R3HDM2: variants seen among roughly 807,000 people sequenced by gnomAD.
The protein encoded by R3HDM2 is R3H domain containing 2.
In R3HDM2, 38 loss-of-function variants were observed where a neutral mutation model predicts 124.5. That is an observed-to-expected ratio of 0.31 (90% CI 0.24 to 0.40). The LOEUF (loss-of-function observed/expected upper bound fraction) is 0.40. R3HDM2 is among the 10% of genes least tolerant of loss of function. R3HDM2 has a pLI of 1.00. For synonymous variants in R3HDM2, 391 were observed against 448.0 expected, an observed-to-expected ratio of 0.87 and a Z score of 1.61; for missense variants, 869 against 1,236.9, an observed-to-expected ratio of 0.70 and a Z score of 4.46.
chr12:57,347,066 G>A (rs569698576), intron 2 of R3HDM2, among the ~76,000 whole-genome samples: 4 of 152,106 alleles, frequency 2.6e-5, no homozygotes, highest in East Asian at 3.9e-4. Context: ...TCAACATAGC[G>A]AGACCCTATC....
chr12:57,427,355 C>CTT (rs147527242), intron 1 of R3HDM2, among the ~76,000 whole-genome samples: 7 of 140,116 alleles, frequency 5.0e-5, no homozygotes, highest in Admixed American at 7.3e-5. Context: ...TCTCCTGAAG[C>CTT]TTTTTTTTTT....
intron 2 of R3HDM2, among the ~76,000 whole-genome samples, chr12:57,335,681 T>G (rs2058769163): frequency 6.6e-6 from 1 of 150,770 alleles, no homozygotes; most frequent in Non-Finnish European, 1.5e-5. Context: ...TTTTTTTTTT[T>G]TGGTAGGGAC....
intron 2 of R3HDM2, among the ~76,000 whole-genome samples, chr12:57,333,906 G>C (rs1425490756): frequency 6.6e-6 from 1 of 151,998 alleles, no homozygotes; most frequent in African/African-American, 2.4e-5. Context: ...GCCGGGCGTG[G>C]TGGCACGTGC....
At chr12:57,322,355 G>A (rs1013607912) in intron 2 of R3HDM2, among the ~76,000 whole-genome samples, 6 of 152,162 alleles carry the variant, frequency 3.9e-5, no homozygotes, top group Admixed American at 6.5e-5. Context: ...ATCCACAGGG[G>A]TTAAGTGGTA....
intron 2 of R3HDM2, among the ~76,000 whole-genome samples, chr12:57,362,282 GAAGAC>G (rs952426393): frequency 6.6e-6 from 1 of 152,148 alleles, no homozygotes; most frequent in Non-Finnish European, 1.5e-5. Flanking sequence ...TACTTAATGT[GAAGAC>G]AAGAATGAAG....
chr12:57,356,577 A>G (rs1460088386), intron 2 of R3HDM2, among the ~76,000 whole-genome samples: 2 of 152,238 alleles, frequency 1.3e-5, no homozygotes, highest in African/African-American at 2.4e-5. Flanking sequence ...TTTTGGAATC[A>G]GAGTAAGGTT....
At chr12:57,340,617 G>A (rs2059443077) in intron 2 of R3HDM2, among the ~76,000 whole-genome samples, 1 of 152,118 alleles carries the variant, frequency 6.6e-6, no homozygotes, top group Non-Finnish European at 1.5e-5. Flanking sequence ...AATGTAAGCT[G>A]AGAAGCAGAC....
rs1743913304 is a variant in R3HDM2, at chr12:57,289,014, G to A, written c.933C>T (p.Asp311=). 6.5e-7 allele frequency: 1 copy of A among 1,550,076 alleles called. No individual in the cohort carries two copies. Among genetic ancestry groups the A allele is most frequent in the African/African-American group, 1.4e-5 (1 of 73,096 alleles). ...ACATGCTAAGTGGTACTAACCTGATGTCATTTAGATATCCGTTCTGGCCAG... is the reference window on the plus strand; with the variant it reads ...ACATGCTAAGTGGTACTAACCTGATATCATTTAGATATCCGTTCTGGCCAG... ...RETGQNGYLN[D]IRGNREGLSR... Residue 311 remains aspartate, a synonymous_variant, in exon 12 of 24, where the codon GAC becomes GAT. Coordinates refer to ENST00000402412, the MANE Select transcript of R3HDM2 (RefSeq NM_001394031.1).
chr12:57,387,311 C>T (rs2065985760), intron 2 of R3HDM2, among the ~76,000 whole-genome samples: 1 of 152,130 alleles, frequency 6.6e-6, no homozygotes, highest in African/African-American at 2.4e-5. Context: ...AGGTCTGTAG[C>T]TTCACTCCTG....
chr12:57,430,337 C>T (rs1249708412), intron 1 of R3HDM2, among the ~76,000 whole-genome samples: 1 of 152,192 alleles, frequency 6.6e-6, no homozygotes, highest in Non-Finnish European at 1.5e-5. Flanking sequence ...ATTTTAAACA[C>T]TTCTACACCT....
At chr12:57,430,668 T>TC in intron 1 of R3HDM2, 52 bp downstream of exon 1, 1 of 843,870 alleles carries the variant, frequency 1.2e-6, no homozygotes, top group Non-Finnish European at 1.4e-6. Context: ...CCACGCCCCC[T>TC]CCCCACAGGC....
chr12:57,285,432 TGA>T (rs966313378), intron 12 of R3HDM2, among the ~76,000 whole-genome samples: 6 of 137,412 alleles, frequency 4.4e-5, no homozygotes, highest in East Asian at 2.1e-4. Context: ...ACCCCAAGAC[TGA>T]GAGAGAGAGA....
At chr12:57,407,901 G>A (rs916245712) in intron 1 of R3HDM2, among the ~76,000 whole-genome samples, 4 of 151,818 alleles carry the variant, frequency 2.6e-5, no homozygotes, top group Non-Finnish European at 5.9e-5. Flanking sequence ...CATAGCTGGG[G>A]ACTACAGGTG....
intron 12 of R3HDM2, among the ~76,000 whole-genome samples, chr12:57,285,425 C>T (rs2047099257): frequency 6.8e-6 from 1 of 148,088 alleles, no homozygotes; most frequent in South Asian, 2.2e-4. Context: ...CTCTGCAACC[C>T]CAAGACTGAG....
chr12:57,325,693 C>A (rs1436353499), intron 2 of R3HDM2, among the ~76,000 whole-genome samples: 1 of 149,650 alleles, frequency 6.7e-6, no homozygotes, highest in Non-Finnish European at 1.5e-5. Context: ...CACAGGCATG[C>A]ACTACTATCC....
At chr12:57,386,038 A>G (rs4108243) in intron 2 of R3HDM2, among the ~76,000 whole-genome samples, 68,192 of 152,018 alleles carry the variant, frequency 0.45, 15,850 homozygotes, top group South Asian at 0.52. Flanking sequence ...TTACAAAAAT[A>G]AAAAAAATGC....
rs1161831845 is a variant in R3HDM2, at chr12:57,349,379, CAA to C, written c.-35-38918_-35-38917del. ...TGCCGACAGAGCGAGACTCCGTCTCCAAAAAAAAAAAAAAAAAAAAAAAAAAA... is the reference window on the plus strand; with the variant it reads ...TGCCGACAGAGCGAGACTCCGTCTCCAAAAAAAAAAAAAAAAAAAAAAAAA... On this transcript the variant is annotated intron_variant, in intron 2 of 23. Coordinates refer to ENST00000402412, the MANE Select transcript of R3HDM2 (RefSeq NM_001394031.1). Among the ~76,000 whole-genome samples, 280 of 57,634 alleles carry C rather than the reference CAA, an allele frequency of 4.9e-3. 1 individual carries two copies. Among genetic ancestry groups the C allele is most frequent in the African/African-American group, 0.025 (267 of 10,652 alleles). 37.8% of individuals were successfully genotyped at this position (57,634 alleles called of 152,430 possible). A position where few individuals can be genotyped will look rare whatever the true frequency, so the allele number is the denominator to read the frequency against.
At position 57,289,051 on chromosome 12, in the gene R3HDM2, G is replaced by A; in HGVS notation, c.907-11C>T. The A allele has an allele frequency of 6.5e-7, 1 of 1,543,100 alleles. No homozygotes were observed. Among genetic ancestry groups the A allele is most frequent in the Admixed American group, 2.0e-5 (1 of 50,974 alleles). On this transcript the variant is annotated splice_polypyrimidine_tract_variant and intron_variant, in intron 11 of 23. Transcript: ENST00000402412. ...TCCGTTCTGGCCAGTCTAGGTGAGG[G>A]GGAGAAAACGGAAAATAACTTATAA...
chr12:57,416,817 A>C (rs903560727), intron 1 of R3HDM2, among the ~76,000 whole-genome samples: 33 of 151,456 alleles, frequency 2.2e-4, no homozygotes, highest in African/African-American at 7.8e-4. Context: ...CCCCCGCCCC[A>C]CAAAAAAAAG....
Sources: gnomAD v4.1 joint callset for allele counts (sites outside exome capture counted in the v4.1 genomes callset) on GRCh38, gnomAD v4.1.1 for gene constraint, MANE v1.5 for transcripts, NCBI Gene and HGNC (gene_info 2026-07-23, HGNC 2026-07-21) for gene names.